CELSR2: variants seen among roughly 807,000 people sequenced by gnomAD.
The protein encoded by CELSR2 is EGF-like protein 2.
A neutral mutation model predicts 251.6 loss-of-function variants in CELSR2; 81 were observed. The ratio of observed to expected loss-of-function variants is 0.32; its 90% CI spans 0.27 to 0.39. CELSR2 has a LOEUF of 0.39. Ranked by LOEUF, CELSR2 falls within the 10% of genes least tolerant of loss-of-function variation. The pLI, the probability that CELSR2 is intolerant of heterozygous loss-of-function variation, is 1.00. For missense variants in CELSR2, 3,365 were observed against 3,947.7 expected, an observed-to-expected ratio of 0.85 and a Z score of 3.96; for synonymous variants, 1,721 against 1,670.5, an observed-to-expected ratio of 1.03 and a Z score of -0.74.
In CELSR2 at chr1:109,261,686, C is replaced by T; in HGVS notation, c.4297+58C>T. ...TTCCAAAGGCCCCAAGTCTTCCAGC[C>T]CCTGACCCCAAGCCACATACTCTAT... On this transcript the variant is annotated intron_variant, in intron 4 of 33. Transcript: ENST00000271332. This position sits in a 1 kb window ranked among gnomAD's most constrained non-coding sequence, Gnocchi z 4.8. The T allele has an allele frequency of 1.3e-6, 2 of 1,568,092 alleles. No homozygotes were observed. Among genetic ancestry groups the T allele is most frequent in the Non-Finnish European group, 1.8e-6 (2 of 1,139,146 alleles).
chr1:109,269,277 A>G lies in CELSR2; in HGVS notation c.6799A>G (p.Lys2267Glu). 1 of 1,613,318 alleles carries G rather than the reference A, an allele frequency of 6.2e-7. No homozygotes were observed. The highest frequency in any genetic ancestry group is 2.2e-5 in the East Asian group (1 of 44,888). The change falls in exon 20 of 34, where the codon AAG (lysine) becomes GAG (glutamate). Residue 2267 changes from lysine (K) to glutamate (E), a missense_variant. Lys to Glu is a moderately conservative substitution (Grantham distance 56, BLOSUM62 1). Around this residue, in one of 5 missense-constraint regions of CELSR2, gnomAD observed 2,093 missense variants for 2,382.8 expected, o/e 0.88. Coordinates refer to ENST00000271332, the MANE Select transcript of CELSR2 (RefSeq NM_001408.3). This position sits in a 1 kb window ranked among gnomAD's most constrained non-coding sequence, Gnocchi z 6.4. The part of the protein sequence containing the change: ...GLLPHNYDPD[K>E]RSLRVPKRPI... ...ACTGCCTCATAACTATGACCCTGAC[A>G]AGCGCAGCTTGAGGTCAGCAGCTAG... is the stretch of plus-strand genomic sequence containing the variant.
intron 33 of CELSR2, 151 bp downstream of exon 33, chr1:109,273,821 C>T (rs1656446729): frequency 1.0e-6 from 1 of 997,210 alleles, no homozygotes; most frequent in Non-Finnish European, 1.5e-6. Context: ...ATGCCGTGCC[C>T]ACAAACCATG....
chr1:109,253,454 G>A (rs1175103899), intron 1 of CELSR2, 65 bp downstream of exon 1: 1 of 1,535,142 alleles, frequency 6.5e-7, no homozygotes, highest in Non-Finnish European at 8.7e-7. Context: ...GGCAGCCACT[G>A]GAGGTAGGGT....
At chr1:109,272,149 G>C in intron 28 of CELSR2, 129 bp from the exon 29 acceptor site, 1 of 1,230,514 alleles carries the variant, frequency 8.1e-7, no homozygotes, top group South Asian at 1.5e-5. Flanking sequence ...CGGAGAAGCA[G>C]GGCCCTCTCT....
At position 109,250,447 on chromosome 1, in the gene CELSR2, T is replaced by G. The variant is rs1485097868; in HGVS notation, c.368T>G (p.Leu123Arg). Reference sequence around the variant, plus strand: ...CGCCTCCTGGGCATTGGAGGCCACCTTTCCCCACAGGGCAAGCTCACACTG... The same window carrying G: ...CGCCTCCTGGGCATTGGAGGCCACCGTTCCCCACAGGGCAAGCTCACACTG... ...SCRLLGIGGH[L>R]SPQGKLTLPE... The change falls in exon 1 of 34, where the codon CTT becomes CGT. Residue 123 changes from leucine to arginine, a missense_variant. Coordinates refer to ENST00000271332, the MANE Select transcript of CELSR2 (RefSeq NM_001408.3). The surrounding 1 kb of genome is among the most constrained non-coding windows in gnomAD (Gnocchi z 4.4). 3.7e-6 allele frequency: 6 copies of G among 1,613,698 alleles called. No homozygotes were observed. Among genetic ancestry groups the G allele is most frequent in the Non-Finnish European group, 5.1e-6 (6 of 1,180,008 alleles).
Position 109,261,787 on chromosome 1 carries a change from C to G in CELSR2, c.4298-21C>G, listed in dbSNP as rs1214380013. Reference sequence around the variant, plus strand: ...TCCTAGCCCTCGTCAGGCATTCCAGCTCACCTGGTCCTTTCCCCAGGGGAG... The same window carrying G: ...TCCTAGCCCTCGTCAGGCATTCCAGGTCACCTGGTCCTTTCCCCAGGGGAG... On this transcript the variant is annotated intron_variant, in intron 4 of 33. Transcript: ENST00000271332. The surrounding 1 kb of genome is among the most constrained non-coding windows in gnomAD (Gnocchi z 4.8). 7.0e-6 allele frequency: 11 copies of G among 1,579,316 alleles called. No homozygotes were observed. Among genetic ancestry groups the G allele is most frequent in the Non-Finnish European group, 9.5e-6 (11 of 1,160,270 alleles).
At position 109,270,049 on chromosome 1, in the gene CELSR2, A is replaced by G. The variant is rs1557736484; in HGVS notation, c.7224A>G (p.Gln2408=). The part of the protein sequence containing the change: ...LTLLRILRSN[Q]HGIRRNLTAA... ...TCTTGCGTATCCTGCGCTCCAACCAACACGGCATCCGACGTAACCTGACAG... is the reference window on the plus strand; with the variant it reads ...TCTTGCGTATCCTGCGCTCCAACCAGCACGGCATCCGACGTAACCTGACAG... Residue 2408 remains glutamine, a synonymous_variant, in exon 23 of 34, where the codon CAA becomes CAG. Transcript: ENST00000271332. The G allele has an allele frequency of 1.2e-6, 2 of 1,613,468 alleles. No homozygotes were observed. The highest frequency in any genetic ancestry group is 1.7e-6 in the Non-Finnish European group (2 of 1,179,808).
At chr1:109,260,766 G>C (rs1265063017) in intron 2 of CELSR2, among the ~76,000 whole-genome samples, 1 of 152,214 alleles carries the variant, frequency 6.6e-6, no homozygotes, top group Non-Finnish European at 1.5e-5. Flanking sequence ...AAATGGGGTA[G>C]GGAAGGTGCT....
chr1:109,251,503 G>C lies in CELSR2; in HGVS notation c.1424G>C (p.Arg475Pro), dbSNP rs778686097. The change falls in exon 1 of 34, where the codon CGA becomes CCA. Residue 475 changes from arginine (R) to proline (P), a missense_variant. By Grantham distance (103) the Arg-to-Pro change is moderately radical. Around this residue, in one of 5 missense-constraint regions of CELSR2, gnomAD observed 704 missense variants for 784.1 expected, o/e 0.90. Coordinates refer to ENST00000271332, the MANE Select transcript of CELSR2 (RefSeq NM_001408.3). This position sits in a 1 kb window ranked among gnomAD's most constrained non-coding sequence, Gnocchi z 4.9. ...ETTKEYTLRV[R>P]AQDGGRPPLS... ...ACCAAGGAGTACACCCTACGGGTGC[G>C]AGCACAGGATGGTGGCCGTCCCCCA... 6.2e-7 allele frequency: 1 copy of C among 1,613,734 alleles called. No homozygotes were observed. The highest frequency in any genetic ancestry group is 1.1e-5 in the South Asian group (1 of 91,090).
intron 1 of CELSR2, among the ~76,000 whole-genome samples, chr1:109,255,233 T>G: frequency 6.6e-6 from 1 of 152,194 alleles, no homozygotes; most frequent in Non-Finnish European, 1.5e-5. Flanking sequence ...GTTTTCCTCC[T>G]CTTGTTCTTT....
At chr1:109,259,124 C>G in intron 2 of CELSR2, 45 bp downstream of exon 2, 1 of 1,469,674 alleles carries the variant, frequency 6.8e-7, no homozygotes, top group South Asian at 1.3e-5. Flanking sequence ...GGAAGGCTGA[C>G]TGTGTGGTGC....
At position 109,264,981 on chromosome 1, in the gene CELSR2, A is replaced by C; in HGVS notation, c.5578A>C (p.Asn1860His). The C allele has an allele frequency of 1.2e-6, 2 of 1,614,130 alleles. No individual in the cohort carries two copies. Among genetic ancestry groups the C allele is most frequent in the East Asian group, 2.2e-5 (1 of 44,884 alleles). ...PHGYTCECPPNYLGPYCETRI... is the reference protein window; with the variant it reads ...PHGYTCECPPHYLGPYCETRI... ...TGGCTATACCTGCGAGTGTCCCCCA[A>C]ATTACCTTGGGCCATACTGTGAGAC... Residue 1860 changes from asparagine to histidine, a missense_variant, in exon 12 of 34, where the codon AAT becomes CAT. Physicochemically the swap from Asn to His is moderately conservative, Grantham distance 68. Coordinates refer to ENST00000271332, the MANE Select transcript of CELSR2 (RefSeq NM_001408.3).
chr1:109,268,117 C>T (rs1656256964), intron 17 of CELSR2, 57 bp downstream of exon 17: 1 of 1,544,528 alleles, frequency 6.5e-7, no homozygotes, highest in African/African-American at 1.3e-5. Context: ...GTGAGTGAGC[C>T]TGCTCATGGC....
At chr1:109,273,747 TC>T in intron 33 of CELSR2, 77 bp downstream of exon 33, 1 of 1,179,238 alleles carries the variant, frequency 8.5e-7, no homozygotes. Flanking sequence ...CCTCCGGGCC[TC>T]CCCAGGTGAC....
Position 109,250,941 on chromosome 1 carries a change from G to A in CELSR2, c.862G>A (p.Val288Met). ...TACTGACACCAATGACCATGACCCT[G>A]TGTTCGAGCAGCAGGAGTACAAGGA... ...LVTDTNDHDP[V>M]FEQQEYKESL... Residue 288 changes from valine (V) to methionine (M), a missense_variant, in exon 1 of 34, where the codon GTG becomes ATG. Val to Met is a conservative substitution (Grantham distance 21). Coordinates refer to ENST00000271332, the MANE Select transcript of CELSR2 (RefSeq NM_001408.3). The surrounding 1 kb of genome is among the most constrained non-coding windows in gnomAD (Gnocchi z 4.4). 7 of 1,613,804 alleles carry A rather than the reference G, an allele frequency of 4.3e-6. No homozygotes were observed. The highest frequency in any genetic ancestry group is 5.9e-6 in the Non-Finnish European group (7 of 1,180,046).
Position 109,267,851 on chromosome 1 carries a change from G to A in CELSR2, c.6109G>A (p.Ala2037Thr), listed in dbSNP as rs1023637197. 1 of 1,601,128 alleles carries A rather than the reference G, an allele frequency of 6.2e-7. No homozygotes were observed. The highest frequency in any genetic ancestry group is 8.5e-7 in the Non-Finnish European group (1 of 1,174,378). The change falls in exon 17 of 34, where the codon GCT becomes ACT. Residue 2037 changes from alanine (A) to threonine (T), a missense_variant and splice_region_variant. This residue lies in a region of CELSR2 where 2,093 missense variants were observed against 2,382.8 expected (regional missense o/e 0.88). Transcript: ENST00000271332. ...TGCTCCTCCGCTCCGTCCTGTCTAG[G>A]CTGAGCGGCTACAGCGGAATGAGTC... is the stretch of plus-strand genomic sequence containing the variant. ...SITFSELKGF[A>T]ERLQRNESGL...
At position 109,271,794 on chromosome 1, in the gene CELSR2, T is replaced by C. The variant is rs562623811; in HGVS notation, c.7926+72T>C. ...CAGGAGGCCCAGTGAGCCTGTACTT[T>C]TGGCCCCACTCCCCTTTCTCTTTTC... On this transcript the variant is annotated intron_variant, in intron 28 of 33. Transcript: ENST00000271332. 1.2e-4 allele frequency: 185 copies of C among 1,548,050 alleles called. No homozygotes were observed. The Admixed American group carries it at 3.4e-3, about 28-fold the overall frequency.
At chr1:109,260,170 T>TG (rs1192844956) in intron 2 of CELSR2, among the ~76,000 whole-genome samples, 33 of 2,980 alleles carry the variant, frequency 0.011, no homozygotes, top group Admixed American at 0.023. Context: ...AGGAGGATGG[T>TG]GGGGGGGGTT....
In CELSR2 at chr1:109,270,591, T is replaced by C. The variant is rs1297796208; in HGVS notation, c.7474T>C (p.Phe2492Leu). 3 of 1,613,658 alleles carry C rather than the reference T, an allele frequency of 1.9e-6. No homozygotes were observed. Among genetic ancestry groups the C allele is most frequent in the African/African-American group, 2.7e-5 (2 of 74,894 alleles). The change falls in exon 24 of 34, where the codon TTC (phenylalanine) becomes CTC (leucine). Residue 2492 changes from phenylalanine to leucine, a missense_variant. Physicochemically the swap from Phe to Leu is conservative, Grantham distance 22. Coordinates refer to ENST00000271332, the MANE Select transcript of CELSR2 (RefSeq NM_001408.3). ...YYMLGWGVPA[F>L]ITGLAVGLDP... ...CATGCTGGGCTGGGGCGTGCCTGCC[T>C]TCATCACAGGTACTCCCACCCATTC...
Sources: gnomAD v4.1 joint callset for allele counts (sites outside exome capture counted in the v4.1 genomes callset) on GRCh38, gnomAD v4.1.1 for gene constraint, gnomAD v4.1.1 regional missense constraint, Gnocchi (gnomAD v3.1) non-coding constraint, MANE v1.5 for transcripts, NCBI Gene and HGNC (gene_info 2026-07-23, HGNC 2026-07-21) for gene names.